Variants in MICU3 observed in about 807,000 individuals in gnomAD.
The protein encoded by MICU3 is calcium uptake protein 3, mitochondrial.
MICU3 carries 62 observed loss-of-function variants against 66.5 expected under a neutral mutation model. That is an observed-to-expected ratio of 0.93 (90% CI 0.76 to 1.15). MICU3 has a LOEUF of 1.15. Among genes scored for constraint, MICU3 ranks in the 50% most tolerant of loss-of-function variants. The probability of loss-of-function intolerance (pLI) is 0.00; values close to 1 mark genes in which losing one functional copy is unlikely to be tolerated. For synonymous variants in MICU3, 308 were observed against 240.7 expected, an observed-to-expected ratio of 1.28 and a Z score of -2.59; for missense variants, 779 against 664.4, an observed-to-expected ratio of 1.17 and a Z score of -1.90.
chr8:17,085,346 C>T, intron 6 of MICU3, 28 bp downstream of exon 6: 2 of 1,346,624 alleles, frequency 1.5e-6, no homozygotes, highest in Non-Finnish European at 1.1e-6. Context: ...TGCACTTTAT[C>T]AATAATTAAA....
intron 1 of MICU3, among the ~76,000 whole-genome samples, chr8:17,042,027 G>T (rs529373415): frequency 6.6e-6 from 1 of 152,152 alleles, no homozygotes; most frequent in Non-Finnish European, 1.5e-5. Flanking sequence ...TAATTGCAAG[G>T]CTCAATATGA....
At chr8:17,128,828 T>G in the MICU3 span, among the ~76,000 whole-genome samples, 77 of 152,114 alleles carry the variant, frequency 5.1e-4, no homozygotes, top group Non-Finnish European at 8.1e-4. Context: ...CTGGCTGAAA[T>G]TTATGGGACA....
intron 1 of MICU3, among the ~76,000 whole-genome samples, chr8:17,028,689 G>A (rs1473388280): frequency 6.6e-6 from 1 of 152,156 alleles, no homozygotes; most frequent in Non-Finnish European, 1.5e-5. Context: ...TACGGAATCT[G>A]CTTTATGGAC....
chr8:17,055,668 G>A (rs967604033), intron 1 of MICU3, among the ~76,000 whole-genome samples: 7 of 152,092 alleles, frequency 4.6e-5, no homozygotes, highest in Non-Finnish European at 8.8e-5. Context: ...TCCCTTCGTT[G>A]ATAATGACAG....
chr8:17,085,835 T>C (rs1799414220), intron 6 of MICU3, among the ~76,000 whole-genome samples: 1 of 152,130 alleles, frequency 6.6e-6, no homozygotes, highest in African/African-American at 2.4e-5. Flanking sequence ...TTGATGTTTC[T>C]TTGATGGGTC....
In MICU3 at chr8:17,105,561, C is replaced by A; in HGVS notation, c.1234C>A (p.Arg412Ser). The change falls in exon 11 of 15, where the codon CGT (arginine) becomes AGT (serine). Residue 412 changes from arginine to serine, a missense_variant. Transcript: ENST00000318063. The stretch of plus-strand genomic sequence containing the variant: ...TACATCAGTATTTTTAGAAAATGTG[C>A]GTTACAGTATACCTGAAGAAAAGGT... ...ENTSVFLENV[R>S]YSIPEEKGIT... The A allele has an allele frequency of 6.4e-7, 1 of 1,557,890 alleles. No homozygotes were observed. The highest frequency in any genetic ancestry group is 1.4e-5 in the African/African-American group (1 of 71,752).
At chr8:17,072,580 G>T (rs1394050550) in intron 3 of MICU3, among the ~76,000 whole-genome samples, 1 of 151,960 alleles carries the variant, frequency 6.6e-6, no homozygotes, top group Non-Finnish European at 1.5e-5. Context: ...TATGATGGAT[G>T]GGAGGATATG....
At chr8:17,055,706 G>T (rs934818882) in intron 1 of MICU3, among the ~76,000 whole-genome samples, 1 of 152,168 alleles carries the variant, frequency 6.6e-6, no homozygotes. Flanking sequence ...GTCTCTGAAT[G>T]ACTATATAAA....
chr8:17,098,485 G>C lies in MICU3; in HGVS notation c.916G>C (p.Val306Leu), dbSNP rs1376465671. ...SVLKTDAEEL[V>L]SRSYWDTLRR... ...ACTTAAAACAGATGCTGAGGAACTT[G>C]TCTCCAGAAGCTATTGGGATACACT... Residue 306 changes from valine to leucine, a missense_variant, in exon 9 of 15, where the codon GTC becomes CTC. Val to Leu is a conservative substitution (Grantham distance 32). Coordinates refer to ENST00000318063, the MANE Select transcript of MICU3 (RefSeq NM_181723.3). 6.2e-7 allele frequency: 1 copy of C among 1,611,400 alleles called. No homozygotes were observed. The highest frequency in any genetic ancestry group is 1.7e-5 in the Admixed American group (1 of 59,890).
intron 1 of MICU3, among the ~76,000 whole-genome samples, chr8:17,063,266 C>A (rs1017700592): frequency 2.6e-5 from 4 of 151,714 alleles, no homozygotes; most frequent in Non-Finnish European, 4.4e-5. Flanking sequence ...GAAAAATGGC[C>A]CTGATAATTG....
the MICU3 span, chr8:17,132,059 A>G: frequency 0.24 from 36,320 of 152,096 alleles, 4,556 homozygotes; most frequent in African/African-American, 0.27. Context: ...CAATCATTGC[A>G]TACAGTGCTG....
In MICU3 at chr8:17,104,169, G is replaced by T. The variant is rs922288191; in HGVS notation, c.985-222G>T. Among the ~76,000 whole-genome samples the T allele has an allele frequency of 1.2e-4, 18 of 151,918 alleles. No homozygotes were observed. The East Asian group carries it at 2.5e-3, about 21-fold the overall frequency. ...TTAAATCACATCTTCAAAAATTTTT[G>T]AGTACAATGATCAGTTCCATTCAAA... On this transcript the variant is annotated intron_variant, in intron 9 of 14. Transcript: ENST00000318063.
At chr8:17,046,866 CAT>C (rs1815184897) in intron 1 of MICU3, among the ~76,000 whole-genome samples, 1 of 152,042 alleles carries the variant, frequency 6.6e-6, no homozygotes, top group Admixed American at 6.6e-5. Context: ...CATACCACCT[CAT>C]GTGGGCTCAG....
intron 1 of MICU3, among the ~76,000 whole-genome samples, chr8:17,040,287 G>C (rs1481765597): frequency 6.6e-6 from 1 of 152,110 alleles, no homozygotes; most frequent in African/African-American, 2.4e-5. Flanking sequence ...TAACATACAA[G>C]TCTTGTATCT....
chr8:17,060,794 G>A (rs1817716133), intron 1 of MICU3, among the ~76,000 whole-genome samples: 1 of 148,430 alleles, frequency 6.7e-6, no homozygotes, highest in South Asian at 2.3e-4. Flanking sequence ...CTTTTTTTTA[G>A]GATATAATTT....
intron 11 of MICU3, among the ~76,000 whole-genome samples, chr8:17,109,919 T>C (rs902284544): frequency 6.6e-6 from 1 of 152,164 alleles, no homozygotes; most frequent in Non-Finnish European, 1.5e-5. Flanking sequence ...TTCAGAAAGA[T>C]TTAAGTGGCT....
intron 3 of MICU3, among the ~76,000 whole-genome samples, chr8:17,076,679 G>A (rs1820430834): frequency 6.6e-6 from 1 of 152,162 alleles, no homozygotes; most frequent in Non-Finnish European, 1.5e-5. Context: ...GCATTTTTAG[G>A]TACAGCTGCG....
At chr8:17,092,291 A>AT (rs577152653) in intron 8 of MICU3, among the ~76,000 whole-genome samples, 38 of 150,960 alleles carry the variant, frequency 2.5e-4, no homozygotes, top group South Asian at 1.3e-3. Context: ...GTCATTATGC[A>AT]TTTTTTTTTA....
intron 1 of MICU3, among the ~76,000 whole-genome samples, chr8:17,051,638 A>G (rs1014994917): frequency 6.6e-6 from 1 of 152,214 alleles, no homozygotes; most frequent in African/African-American, 2.4e-5. Context: ...CAGAAAATAA[A>G]TGATTTCAAG....
Sources: gnomAD v4.1 joint callset for allele counts (sites outside exome capture counted in the v4.1 genomes callset) on GRCh38, gnomAD v4.1.1 for gene constraint, MANE v1.5 for transcripts, NCBI Gene and HGNC (gene_info 2026-07-23, HGNC 2026-07-21) for gene names.